The following TOP1MT variants were observed in gnomAD, a reference collection of about 807,000 sequenced individuals.
TOP1MT encodes the protein DNA topoisomerase I, mitochondrial.
Under a neutral mutation model 73.9 loss-of-function variants are expected in TOP1MT, and 80 were observed. The ratio of observed to expected loss-of-function variants is 1.08; its 90% confidence interval spans 0.90 to 1.30. The LOEUF (loss-of-function observed/expected upper bound fraction) is 1.30, where lower values mean the gene tolerates loss of function less well. Among genes scored for constraint, TOP1MT ranks in the 50% most tolerant of loss-of-function variants. TOP1MT has a pLI of 0.00. For missense variants in TOP1MT, 815 were observed against 808.0 expected, an observed-to-expected ratio of 1.01 and a Z score of -0.10; for synonymous variants, 338 against 326.4, an observed-to-expected ratio of 1.04 and a Z score of -0.38.
At position 143,324,465 on chromosome 8, in the gene TOP1MT, C is replaced by T. The variant is rs1481771581; in HGVS notation, c.816+20G>A. The stretch of plus-strand genomic sequence containing the variant: ...GGGGACCTCCTGGGGAGGAAACACC[C>T]TGCCAAGCCCTGCGCTCACCTTCAG... On this transcript the variant is annotated intron_variant, in intron 6 of 13. Transcript: ENST00000329245. 6.2e-7 allele frequency: 1 copy of T among 1,613,670 alleles called. No individual in the cohort carries two copies. Among genetic ancestry groups the T allele is most frequent in the Non-Finnish European group, 8.5e-7 (1 of 1,179,956 alleles).
chr8:143,359,719 C>T (rs1176820627), upstream of TOP1MT, among the ~76,000 whole-genome samples: 2 of 151,802 alleles, frequency 1.3e-5, no homozygotes, highest in Non-Finnish European at 2.9e-5. Context: ...GCGTCGTGCG[C>T]GGAGGGGGAG....
At chr8:143,328,874 C>T (rs760573797) in intron 3 of TOP1MT, among the ~76,000 whole-genome samples, 35 of 152,180 alleles carry the variant, frequency 2.3e-4, no homozygotes, top group Admixed American at 1.6e-3. Context: ...TAAAATCAGT[C>T]AGGCCATGGG....
At chr8:143,342,904 C>T (rs1440358218) in intron 2 of TOP1MT, among the ~76,000 whole-genome samples, 1 of 151,702 alleles carries the variant, frequency 6.6e-6, no homozygotes, top group Non-Finnish European at 1.5e-5. Flanking sequence ...CCTGCCTCAG[C>T]CTCCCGACCA....
intron 4 of TOP1MT, 108 bp from the exon 5 acceptor site, chr8:143,325,641 T>C: frequency 9.5e-7 from 1 of 1,054,030 alleles, no homozygotes; most frequent in Non-Finnish European, 1.4e-6. Flanking sequence ...CTAACTCAGC[T>C]GGACCCTCAA....
At chr8:143,356,785 CAAAAAAAAAAA>C (rs1161995816), upstream of TOP1MT, among the ~76,000 whole-genome samples, 2 of 25,962 alleles carry the variant, frequency 7.7e-5, no homozygotes, top group African/African-American at 2.0e-4. Flanking sequence ...GACTCTGTCT[CAAAAAAAAAAA>C]AAAAAAAAAA....
chr8:143,328,492 G>A (rs532816144), intron 3 of TOP1MT, among the ~76,000 whole-genome samples: 1 of 152,374 alleles, frequency 6.6e-6, no homozygotes, highest in African/African-American at 2.4e-5. Flanking sequence ...CCACGGCGAG[G>A]TGTCATTTTG....
intron 3 of TOP1MT, chr8:143,327,450 C>A: frequency 6.3e-6 from 1 of 158,428 alleles, no homozygotes; most frequent in Non-Finnish European, 1.4e-5. Context: ...GCCTGTGAGA[C>A]CTCAGGAGCT....
At chr8:143,314,874 T>C (rs13274702) in intron 12 of TOP1MT, among the ~76,000 whole-genome samples, 57,211 of 152,108 alleles carry the variant, frequency 0.38, 13,475 homozygotes, top group East Asian at 0.69. Flanking sequence ...TCTACAATCA[T>C]AGCCTAGGAA....
intron 1 of TOP1MT, chr8:143,332,583 C>A: frequency 7.8e-7 from 1 of 1,289,134 alleles, no homozygotes; most frequent in Non-Finnish European, 1.0e-6. Context: ...CTCAGAGCAA[C>A]AGGAAGTCTC....
chr8:143,352,989 C>T (rs760165680), intron 1 of TOP1MT, among the ~76,000 whole-genome samples: 3 of 152,092 alleles, frequency 2.0e-5, no homozygotes, highest in Non-Finnish European at 4.4e-5. Flanking sequence ...TAAAAGAGAT[C>T]AACTGAAAAC....
intron 12 of TOP1MT, among the ~76,000 whole-genome samples, chr8:143,313,312 A>G (rs1816061356): frequency 6.6e-6 from 1 of 152,154 alleles, no homozygotes; most frequent in African/African-American, 2.4e-5. Context: ...GCACTTTGGG[A>G]GGCCGAGGTG....
At chr8:143,355,143 C>T (rs1440577625) in intron 1 of TOP1MT, among the ~76,000 whole-genome samples, 1 of 152,174 alleles carries the variant, frequency 6.6e-6, no homozygotes, top group South Asian at 2.1e-4. Context: ...GCAGACACAA[C>T]CGGGGATGAC....
chr8:143,346,202 G>A (rs559351569), upstream of TOP1MT, among the ~76,000 whole-genome samples: 128 of 152,302 alleles, frequency 8.4e-4, no homozygotes, highest in Middle Eastern at 6.8e-3. Flanking sequence ...GAACAGCTCC[G>A]AAGGCAATGC....
At chr8:143,345,709 A>G (rs182121171), upstream of TOP1MT, among the ~76,000 whole-genome samples, 2 of 152,390 alleles carry the variant, frequency 1.3e-5, no homozygotes, top group East Asian at 3.9e-4. Flanking sequence ...CACAGAGAAG[A>G]GATAAAGTAA....
intron 1 of TOP1MT, among the ~76,000 whole-genome samples, chr8:143,351,225 T>A (rs1159427860): frequency 6.6e-6 from 1 of 152,194 alleles, no homozygotes; most frequent in Non-Finnish European, 1.5e-5. Context: ...CAAAACCCCA[T>A]TACAGCGGCC....
intron 8 of TOP1MT, 147 bp downstream of exon 8, chr8:143,321,054 C>T (rs920319552): frequency 1.2e-6 from 1 of 804,006 alleles, no homozygotes; most frequent in African/African-American, 1.8e-5. Flanking sequence ...TCACCTTTAC[C>T]CCGATCAGCC....
Position 143,328,415 on chromosome 8 carries a change from G to A in TOP1MT, c.360+935C>T, listed in dbSNP as rs544385766. ...ACAAAAGTTCACGAAAGAAAATACT[G>A]AAATGACACGTCAGTACACCAAAAG... On this transcript the variant is annotated intron_variant, in intron 3 of 13. Transcript: ENST00000329245. 5.8e-4 allele frequency: 234 copies of A among 400,768 alleles called. 4 individuals carry two copies. The highest frequency in any genetic ancestry group is 4.1e-3 in the South Asian group (224 of 54,976). 24.8% of individuals were successfully genotyped at this position (400,768 alleles called of 1,614,324 possible).
upstream of TOP1MT, among the ~76,000 whole-genome samples, chr8:143,356,785 C>CAAAAA (rs1161995816): frequency 2.3e-4 from 6 of 25,960 alleles, 1 homozygote; most frequent in African/African-American, 1.2e-3. Flanking sequence ...GACTCTGTCT[C>CAAAAA]AAAAAAAAAA....
chr8:143,342,840 A>AG (rs1178428715), intron 2 of TOP1MT, among the ~76,000 whole-genome samples: 1 of 148,622 alleles, frequency 6.7e-6, no homozygotes, highest in East Asian at 2.0e-4. Flanking sequence ...GCTGGAGTGC[A>AG]GTGGCGTGAT....
Sources: allele counts gnomAD v4.1 joint callset (sites outside exome capture counted in the v4.1 genomes callset), GRCh38; gene constraint gnomAD v4.1.1; transcripts MANE v1.5; gene names NCBI Gene and HGNC (gene_info 2026-07-23, HGNC 2026-07-21).